Variants in ANKEF1 observed in about 807,000 individuals in gnomAD.
The protein encoded by ANKEF1 is ankyrin repeat and EF-hand domain-containing protein 1.
Under a neutral mutation model 65.1 loss-of-function variants are expected in ANKEF1, and 43 were observed. The ratio of observed to expected loss-of-function variants is 0.66; its 90% confidence interval spans 0.52 to 0.85. ANKEF1 has a LOEUF of 0.85. Among genes scored for constraint, ANKEF1 ranks in the 40% least tolerant of loss-of-function variants. The pLI is 0.00. For synonymous variants in ANKEF1, 316 were observed against 341.5 expected, an observed-to-expected ratio of 0.93 and a Z score of 0.82; for missense variants, 934 against 952.9, an observed-to-expected ratio of 0.98 and a Z score of 0.26.
At chr20:10,043,399 A>AAATATATTAAATGAAAATATAAT in intron 4 of ANKEF1, 78 bp downstream of exon 4, 1 of 1,371,930 alleles carries the variant, frequency 7.3e-7, no homozygotes, top group Non-Finnish European at 1.0e-6. Context: ...AAATATGATG[A>AAATATATTAAATGAAAATATAAT]CATTATCCTG....
chr20:10,048,240 T>TG (rs1555772184), intron 6 of ANKEF1, among the ~76,000 whole-genome samples: 1 of 151,500 alleles, frequency 6.6e-6, no homozygotes, highest in African/African-American at 2.4e-5. Flanking sequence ...TGTGTGTGTG[T>TG]TTGTGTAGTA....
chr20:10,049,427 G>A lies in ANKEF1; in HGVS notation c.858G>A (p.Thr286=), dbSNP rs757155070. 3 of 1,613,810 alleles carry A rather than the reference G, an allele frequency of 1.9e-6. No individual in the cohort carries two copies. Among genetic ancestry groups the A allele is most frequent in the Admixed American group, 3.3e-5 (2 of 59,962 alleles). Residue 286 remains threonine, a synonymous_variant, in exon 7 of 11, where the codon ACG becomes ACA. Transcript: ENST00000378392. ...DLKWKNLDHK[T]PRAVAKEGGF... ...AATGGAAGAATTTAGATCATAAAACGCCCAGGGCTGTGGCTAAGGAAGGCG... is the reference window on the plus strand; with the variant it reads ...AATGGAAGAATTTAGATCATAAAACACCCAGGGCTGTGGCTAAGGAAGGCG...
Position 10,055,893 on chromosome 20 carries a change from G to A in ANKEF1, c.*233G>A. 1 of 487,178 alleles carries A rather than the reference G, an allele frequency of 2.1e-6. No individual in the cohort carries two copies. The highest frequency in any genetic ancestry group is 2.6e-5 in the South Asian group (1 of 37,774). The allele number at this position is 487,178 out of a possible 1,614,324, so 30.2% of individuals were successfully genotyped here. A position where few individuals can be genotyped will look rare whatever the true frequency, so the allele number is the denominator to read the frequency against. ...TAAATCCCCAAGCCCCTTTATGAAT[G>A]TAGTGAAATACATGGCATGTGGGTT... On this transcript the variant is annotated 3_prime_UTR_variant, in exon 11 of 11. Transcript: ENST00000378392.
chr20:10,051,609 G>T (rs890127186), intron 7 of ANKEF1, 54 bp from the exon 8 acceptor site: 6 of 1,359,342 alleles, frequency 4.4e-6, no homozygotes, highest in Non-Finnish European at 6.2e-6. Context: ...CATTTTTAGT[G>T]TCCAGTCATT....
Position 10,049,620 on chromosome 20 carries a change from G to A in ANKEF1, c.1051G>A (p.Asp351Asn), listed in dbSNP as rs1984724073. ...REAFAVLDRG[D>N]GSISKNDFVM... ...AGCCTTTGCGGTTTTAGACAGGGGT[G>A]ATGGAAGCATCAGCAAGAACGACTT... Residue 351 changes from aspartate to asparagine, a missense_variant, in exon 7 of 11, where the codon GAT (aspartate) becomes AAT (asparagine). Coordinates refer to ENST00000378392, the MANE Select transcript of ANKEF1 (RefSeq NM_022096.6). 6.2e-7 allele frequency: 1 copy of A among 1,614,144 alleles called. No individual in the cohort carries two copies. Among genetic ancestry groups the A allele is most frequent in the Non-Finnish European group, 8.5e-7 (1 of 1,180,012 alleles).
Position 10,045,660 on chromosome 20 carries a change from T to C in ANKEF1, c.783T>C (p.Gly261=). The C allele has an allele frequency of 6.2e-7, 1 of 1,613,880 alleles. No homozygotes were observed. The highest frequency in any genetic ancestry group is 8.5e-7 in the Non-Finnish European group (1 of 1,179,850). The change falls in exon 6 of 11, where the codon GGT becomes GGC. Residue 261 remains glycine, a synonymous_variant. Coordinates refer to ENST00000378392, the MANE Select transcript of ANKEF1 (RefSeq NM_022096.6). ...GNTPLHYAAM[G]GFADCCKYIA... ...CACCACTTCATTATGCTGCCATGGG[T>C]GGTTTTGCAGACTGCTGTAAATATA...
At chr20:10,036,387 T>A (rs1275656502) in intron 2 of ANKEF1, among the ~76,000 whole-genome samples, 3 of 149,930 alleles carry the variant, frequency 2.0e-5, no homozygotes, top group Non-Finnish European at 1.5e-5. Context: ...ATATGCAGTA[T>A]GATGACACCG....
At chr20:10,039,517 T>C (rs1984050756) in intron 3 of ANKEF1, among the ~76,000 whole-genome samples, 3 of 152,226 alleles carry the variant, frequency 2.0e-5, no homozygotes, top group Admixed American at 2.0e-4. Context: ...GTGTTTGATA[T>C]GATTACTTGC....
intron 10 of ANKEF1, 108 bp from the exon 11 acceptor site, chr20:10,055,394 A>G: frequency 9.7e-7 from 1 of 1,031,706 alleles, no homozygotes; most frequent in South Asian, 1.6e-5. Context: ...TTAAAACTAT[A>G]AACAAATTTT....
intron 2 of ANKEF1, among the ~76,000 whole-genome samples, chr20:10,036,935 G>T (rs1983891892): frequency 6.6e-6 from 1 of 152,062 alleles, no homozygotes; most frequent in African/African-American, 2.4e-5. Context: ...CCCAACATAG[G>T]CTTCTTGAAA....
Position 10,038,403 on chromosome 20 carries a change from T to G in ANKEF1, c.102T>G (p.Leu34=). The change falls in exon 3 of 11, where the codon CTT becomes CTG. Residue 34 remains leucine (L), a synonymous_variant. Transcript: ENST00000378392. Reference sequence around the variant, plus strand: ...AGCAGATAGAGAAGCTGACCAAGCTTGGATACCCTGAACTAATCAATTATA... The same window carrying G: ...AGCAGATAGAGAAGCTGACCAAGCTGGGATACCCTGAACTAATCAATTATA... ...DKKQIEKLTK[L]GYPELINYTE... The G allele has an allele frequency of 2.5e-6, 4 of 1,614,002 alleles. No individual in the cohort carries two copies. Among genetic ancestry groups the G allele is most frequent in the Non-Finnish European group, 1.7e-6 (2 of 1,179,870 alleles).
At chr20:10,044,105 C>T (rs1307922981) in intron 4 of ANKEF1, among the ~76,000 whole-genome samples, 3 of 152,200 alleles carry the variant, frequency 2.0e-5, no homozygotes, top group African/African-American at 7.2e-5. Context: ...CTCTCTTTCT[C>T]CCTTTTTATT....
At chr20:10,036,796 T>TGCA (rs1983885503) in intron 2 of ANKEF1, among the ~76,000 whole-genome samples, 2 of 152,120 alleles carry the variant, frequency 1.3e-5, no homozygotes, top group Non-Finnish European at 2.9e-5. Context: ...GAGCCGAGAT[T>TGCA]GTGCCACTAC....
intron 9 of ANKEF1, 83 bp downstream of exon 9, chr20:10,053,358 A>G: frequency 1.6e-6 from 2 of 1,220,796 alleles, no homozygotes; most frequent in South Asian, 1.5e-5. Flanking sequence ...CTATTTACAT[A>G]TTGTTATACA....
Position 10,053,152 on chromosome 20 carries a change from T to C in ANKEF1, c.1911T>C (p.Tyr637=), listed in dbSNP as rs775127942. The change falls in exon 9 of 11, where the codon TAT becomes TAC. Residue 637 remains tyrosine (Y), a synonymous_variant. Transcript: ENST00000378392. ...AMDVAKAYAD[Y]RIIDLIKEKL... ...ACGTTGCAAAGGCATATGCTGATTA[T>C]AGAATAATTGATCTGATTAAAGAAA... 17 of 1,610,020 alleles carry C rather than the reference T, an allele frequency of 1.1e-5. No individual in the cohort carries two copies. The highest frequency in any genetic ancestry group is 1.4e-5 in the Non-Finnish European group (16 of 1,178,922).
chr20:10,037,094 A>T (rs1352166058), intron 2 of ANKEF1, among the ~76,000 whole-genome samples: 1 of 152,194 alleles, frequency 6.6e-6, no homozygotes, highest in Non-Finnish European at 1.5e-5. Flanking sequence ...CAGGCTTGCG[A>T]TGGAGAAAAA....
chr20:10,044,680 C>A, intron 5 of ANKEF1, 137 bp downstream of exon 5: 1 of 659,486 alleles, frequency 1.5e-6, no homozygotes, highest in Non-Finnish European at 2.3e-6. Context: ...ATCTTGATTT[C>A]CCCAAATAAT....
At chr20:10,054,685 A>G in intron 10 of ANKEF1, 86 bp downstream of exon 10, 1 of 1,351,196 alleles carries the variant, frequency 7.4e-7, no homozygotes, top group South Asian at 1.3e-5. Context: ...ATATCCAAAC[A>G]AATCTGCACA....
intron 9 of ANKEF1, 50 bp downstream of exon 9, chr20:10,053,325 C>T: frequency 2.0e-6 from 3 of 1,528,106 alleles, no homozygotes; most frequent in Non-Finnish European, 2.6e-6. Flanking sequence ...CTTTAAAAAT[C>T]TGTTTGGGGG....
Sources: gnomAD v4.1 joint callset for allele counts (sites outside exome capture counted in the v4.1 genomes callset) on GRCh38, gnomAD v4.1.1 for gene constraint, MANE v1.5 for transcripts, NCBI Gene and HGNC (gene_info 2026-07-23, HGNC 2026-07-21) for gene names.